PRKAG2: variants seen among roughly 807,000 people sequenced by gnomAD.
PRKAG2 encodes 5'-AMP-activated protein kinase subunit gamma-2.
PRKAG2 carries 26 observed loss-of-function variants against 69.6 expected under a neutral mutation model. That is an observed-to-expected ratio of 0.37 (90% CI 0.27 to 0.52). PRKAG2 has a LOEUF of 0.52. Among genes scored for constraint, PRKAG2 ranks in the 20% least tolerant of loss-of-function variants. PRKAG2 has a pLI of 0.90. For synonymous variants in PRKAG2, 293 were observed against 285.0 expected, an observed-to-expected ratio of 1.03 and a Z score of -0.28; for missense variants, 557 against 740.0, an observed-to-expected ratio of 0.75 and a Z score of 2.87.
rs117630965 is a variant in PRKAG2 at position 151,831,679 on chromosome 7, T to C, written c.114+44828A>G. Among the ~76,000 whole-genome samples the C allele has an allele frequency of 3.7e-3, 562 of 152,258 alleles. 1 individual carries two copies. Among genetic ancestry groups the C allele is most frequent in the Middle Eastern group, 6.8e-3 (2 of 294 alleles). On this transcript the variant is annotated intron_variant, in intron 1 of 15. Coordinates refer to ENST00000287878, the MANE Select transcript of PRKAG2 (RefSeq NM_016203.4). ...ACGTGTTCTGATATTCATTTGTATG[T>C]TCCCCCCCTTGCACGCCCTGCCTCC...
At chr7:151,778,450 A>T (rs547083024) in intron 3 of PRKAG2, among the ~76,000 whole-genome samples, 1 of 152,322 alleles carries the variant, frequency 6.6e-6, no homozygotes, top group East Asian at 1.9e-4. Flanking sequence ...TTCCCTTTAT[A>T]AATGACCCAG....
intron 5 of PRKAG2, among the ~76,000 whole-genome samples, chr7:151,596,045 A>G (rs571575292): frequency 1.4e-5 from 2 of 147,340 alleles, no homozygotes; most frequent in South Asian, 2.1e-4. Context: ...AATAAAGGGG[A>G]AAAAAAAGAC....
intron 4 of PRKAG2, among the ~76,000 whole-genome samples, chr7:151,663,875 A>G (rs1196892348): frequency 6.6e-6 from 1 of 152,260 alleles, no homozygotes; most frequent in East Asian, 1.9e-4. Flanking sequence ...GCTCTGGCAC[A>G]GATTAGTCAC....
At position 151,791,100 on chromosome 7, in the gene PRKAG2, C is replaced by T. The variant is rs1056533527; in HGVS notation, c.115-4559G>A. On this transcript the variant is annotated intron_variant, in intron 1 of 15. Transcript: ENST00000287878. Reference sequence around the variant, plus strand: ...GTGCCTGCCTGGTCATGCAGCCCAACAGGGAAGTCCCCTGGCACAGATGGC... The same window carrying T: ...GTGCCTGCCTGGTCATGCAGCCCAATAGGGAAGTCCCCTGGCACAGATGGC... 2.0e-5 allele frequency among the ~76,000 whole-genome samples: 3 copies of T among 152,332 alleles called. 1 individual carries two copies. Among genetic ancestry groups the T allele is most frequent in the South Asian group, 4.1e-4 (2 of 4,834 alleles).
chr7:151,558,593 G>A, intron 15 of PRKAG2: 1 of 932,612 alleles, frequency 1.1e-6, no homozygotes, highest in Non-Finnish European at 1.3e-6. Context: ...TCAGATGCAG[G>A]CGCTCCCTGA....
intron 1 of PRKAG2, among the ~76,000 whole-genome samples, chr7:151,859,982 T>C (rs1480619732): frequency 6.6e-6 from 1 of 152,092 alleles, no homozygotes; most frequent in African/African-American, 2.4e-5. Context: ...AGTCCAAGAT[T>C]CCCTCTCCGC....
Position 151,850,185 on chromosome 7 carries a change from C to G in PRKAG2, c.114+26322G>C, listed in dbSNP as rs1692281973. Among the ~76,000 whole-genome samples, 1 of 152,136 alleles carries G rather than the reference C, an allele frequency of 6.6e-6. No individual in the cohort carries two copies. The highest frequency in any genetic ancestry group is 1.5e-5 in the Non-Finnish European group (1 of 68,030). On this transcript the variant is annotated intron_variant, in intron 1 of 15. Transcript: ENST00000287878. This position sits in a 1 kb window ranked among gnomAD's most constrained non-coding sequence, Gnocchi z 4.1. ...GCAGGGGAACCGTAGCACCAATTAC[C>G]CATAGTGGGCACATCAAATGATTAC...
intron 3 of PRKAG2, among the ~76,000 whole-genome samples, chr7:151,728,452 G>T (rs1002724938): frequency 2.0e-5 from 3 of 152,110 alleles, no homozygotes; most frequent in Admixed American, 6.5e-5. Flanking sequence ...CAGGATGGGG[G>T]TGACAGAGCA....
At chr7:151,618,017 A>AG (rs562327699) in intron 5 of PRKAG2, among the ~76,000 whole-genome samples, 144 of 152,322 alleles carry the variant, frequency 9.5e-4, no homozygotes, top group African/African-American at 3.4e-3. Flanking sequence ...TATATGGAAG[A>AG]GAAAAAATTA....
intron 3 of PRKAG2, among the ~76,000 whole-genome samples, chr7:151,679,063 G>A (rs776094131): frequency 3.9e-5 from 6 of 152,102 alleles, no homozygotes; most frequent in Non-Finnish European, 8.8e-5. Context: ...AGAGGGAAGA[G>A]GAAGAGTGGG....
At chr7:151,682,260 A>C (rs1257262914) in intron 3 of PRKAG2, among the ~76,000 whole-genome samples, 1 of 152,098 alleles carries the variant, frequency 6.6e-6, no homozygotes, top group African/African-American at 2.4e-5. Flanking sequence ...ACTTTTTTTG[A>C]GACAAGGTCT....
rs570500199 is a variant in PRKAG2, at chr7:151,829,385, A to G, written c.115-42844T>C. On this transcript the variant is annotated intron_variant, in intron 1 of 15. Coordinates refer to ENST00000287878, the MANE Select transcript of PRKAG2 (RefSeq NM_016203.4). The stretch of plus-strand genomic sequence containing the variant: ...AATTACAAGTGTTGACAAGGATACA[A>G]AGAAATTGCAATCCTCATATTGCTG... Among the ~76,000 whole-genome samples the G allele has an allele frequency of 6.6e-5, 10 of 152,344 alleles. No individual in the cohort carries two copies. In the South Asian group the frequency reaches 2.1e-3, roughly 32 times the overall value.
chr7:151,762,676 C>A (rs1339528845), intron 3 of PRKAG2, among the ~76,000 whole-genome samples: 1 of 152,220 alleles, frequency 6.6e-6, no homozygotes, highest in African/African-American at 2.4e-5. Flanking sequence ...AGCCACTTGC[C>A]TTTTGCCAGG....
Position 151,632,125 on chromosome 7 carries a change from G to T in PRKAG2, c.698C>A (p.Ala233Glu), listed in dbSNP as rs201240745. 7.1e-7 allele frequency: 1 copy of T among 1,402,108 alleles called. No individual in the cohort carries two copies. Among genetic ancestry groups the T allele is most frequent in the Non-Finnish European group, 9.4e-7 (1 of 1,064,322 alleles). The allele number at this position is 1,402,108 out of a possible 1,614,324, so 86.9% of individuals were successfully genotyped here. ...GCCGGCTTCCGCGGGTCCCAGGGCCGCCGCCAGCGCCGCCTGAGGGGGAGG... is the reference window on the plus strand; with the variant it reads ...GCCGGCTTCCGCGGGTCCCAGGGCCTCCGCCAGCGCCGCCTGAGGGGGAGG... Reference protein sequence around the residue: ...YAPSKAAALAAALGPAEAGML... With the variant: ...YAPSKAAALAEALGPAEAGML... Residue 233 changes from alanine to glutamate, a missense_variant, in exon 5 of 16, where the codon GCG (alanine) becomes GAG (glutamate). Transcript: ENST00000287878. This position sits in a 1 kb window ranked among gnomAD's most constrained non-coding sequence, Gnocchi z 4.2.
chr7:151,807,134 C>T lies in PRKAG2; in HGVS notation c.115-20593G>A. Reference sequence around the variant, plus strand: ...ACCTTGTGGAGTGGTGGAAATGTTCCAGATCACACTGTGGCGGTGGTCACA... The same window carrying T: ...ACCTTGTGGAGTGGTGGAAATGTTCTAGATCACACTGTGGCGGTGGTCACA... On this transcript the variant is annotated intron_variant, in intron 1 of 15. Transcript: ENST00000287878. This position sits in a 1 kb window ranked among gnomAD's most constrained non-coding sequence, Gnocchi z 4.4. 1 of 376,234 alleles carries T rather than the reference C, an allele frequency of 2.7e-6. No homozygotes were observed. Among genetic ancestry groups the T allele is most frequent in the Non-Finnish European group, 5.2e-6 (1 of 190,668 alleles). 23.3% of individuals were successfully genotyped at this position (376,234 alleles called of 1,614,324 possible).
intron 3 of PRKAG2, among the ~76,000 whole-genome samples, chr7:151,701,365 C>A (rs1837655710): frequency 6.6e-6 from 1 of 152,208 alleles, no homozygotes; most frequent in East Asian, 1.9e-4. Context: ...AAACCTCACC[C>A]TGGTACCTGT....
chr7:151,844,988 T>C (rs1190069276), intron 1 of PRKAG2, among the ~76,000 whole-genome samples: 1 of 152,130 alleles, frequency 6.6e-6, no homozygotes, highest in Non-Finnish European at 1.5e-5. Context: ...TTCTCGGTGC[T>C]GTTGAAAAGA....
intron 5 of PRKAG2, among the ~76,000 whole-genome samples, chr7:151,627,069 CGA>C (rs907806842): frequency 6.6e-6 from 1 of 151,858 alleles, no homozygotes; most frequent in Non-Finnish European, 1.5e-5. Flanking sequence ...GATTTTTAAG[CGA>C]GAGAGAAAAA....
At chr7:151,652,865 C>T (rs1007002631) in intron 4 of PRKAG2, among the ~76,000 whole-genome samples, 5 of 152,130 alleles carry the variant, frequency 3.3e-5, no homozygotes, top group African/African-American at 9.6e-5. Context: ...GCGATCTGCC[C>T]GCCTCAGCCT....
Sources: allele counts gnomAD v4.1 joint callset (sites outside exome capture counted in the v4.1 genomes callset), GRCh38; gene constraint gnomAD v4.1.1; non-coding constraint Gnocchi (gnomAD v3.1); transcripts MANE v1.5; gene names NCBI Gene and HGNC (gene_info 2026-07-23, HGNC 2026-07-21).